The following DNAJC3 variants were observed in gnomAD, a reference collection of about 807,000 sequenced individuals.
DNAJC3 encodes DnaJ heat shock protein family (Hsp40) member C3, also known as dnaJ homolog subfamily C member 3.
Under a neutral mutation model 68.6 loss-of-function variants are expected in DNAJC3, and 38 were observed. The observed-to-expected ratio is 0.55, with a 90% CI of 0.43 to 0.73. DNAJC3 has a LOEUF of 0.73. Among genes scored for constraint, DNAJC3 ranks in the 30% least tolerant of loss-of-function variants. DNAJC3 has a pLI of 0.00. For missense variants in DNAJC3, 526 were observed against 591.9 expected, an observed-to-expected ratio of 0.89 and a Z score of 1.16; for synonymous variants, 203 against 204.0, an observed-to-expected ratio of 1.00 and a Z score of 0.04.
intron 4 of DNAJC3, among the ~76,000 whole-genome samples, chr13:95,745,979 G>A (rs1882292162): frequency 6.6e-6 from 1 of 152,156 alleles, no homozygotes; most frequent in African/African-American, 2.4e-5. Context: ...TAGGGGCAGA[G>A]GACTGCTATA....
intron 4 of DNAJC3, among the ~76,000 whole-genome samples, chr13:95,747,520 A>T (rs1882341608): frequency 6.6e-6 from 1 of 152,208 alleles, no homozygotes; most frequent in Non-Finnish European, 1.5e-5. Context: ...CTGGAGTATG[A>T]GACTCTTGAC....
chr13:95,698,539 G>A (rs1386128578), intron 1 of DNAJC3, among the ~76,000 whole-genome samples: 1 of 152,224 alleles, frequency 6.6e-6, no homozygotes, highest in Admixed American at 6.5e-5. Flanking sequence ...GGACAGGGAG[G>A]AATGTGATGT....
chr13:95,741,562 G>T (rs569586397), intron 4 of DNAJC3, among the ~76,000 whole-genome samples: 1 of 152,296 alleles, frequency 6.6e-6, no homozygotes, highest in South Asian at 2.1e-4. Flanking sequence ...GGCCTACTTT[G>T]GTACGGGAAT....
intron 9 of DNAJC3, among the ~76,000 whole-genome samples, chr13:95,781,811 T>G (rs372339196): frequency 2.2e-4 from 33 of 147,156 alleles, no homozygotes; most frequent in East Asian, 1.2e-3. Flanking sequence ...GTGTGTGTGT[T>G]TTTTTTTTTT....
chr13:95,771,728 C>T (rs1019635345), intron 9 of DNAJC3, among the ~76,000 whole-genome samples: 4 of 152,150 alleles, frequency 2.6e-5, no homozygotes, highest in African/African-American at 9.7e-5. Context: ...CTTTGTTTAA[C>T]CCAACTCCTG....
chr13:95,791,964 C>CTAAG lies in DNAJC3; in HGVS notation c.*938_*941dup. 1 of 152,338 alleles carries CTAAG rather than the reference C, an allele frequency of 6.6e-6. No homozygotes were observed. Among genetic ancestry groups the CTAAG allele is most frequent in the Admixed American group, 6.5e-5 (1 of 15,300 alleles). 9.4% of individuals were successfully genotyped at this position (152,338 alleles called of 1,614,324 possible). A position where few individuals can be genotyped will look rare whatever the true frequency, so the allele number is the denominator to read the frequency against. On this transcript the variant is annotated 3_prime_UTR_variant, in exon 12 of 12. Transcript: ENST00000602402. ...ATACAGAATGCCATGTTCTCCACTT[C>CTAAG]TAAGTAAAGACAGTGGGCAGCTTCT...
chr13:95,730,572 C>G (rs1340145268), intron 4 of DNAJC3, among the ~76,000 whole-genome samples: 1 of 152,004 alleles, frequency 6.6e-6, no homozygotes, highest in Non-Finnish European at 1.5e-5. Context: ...GGTGTGTGTC[C>G]TCTCCCCAAT....
At chr13:95,723,436 G>GGT in intron 3 of DNAJC3, 70 bp downstream of exon 3, 1 of 1,526,078 alleles carries the variant, frequency 6.6e-7, no homozygotes. Context: ...TGTTTCATAA[G>GGT]GTGAGGACTG....
chr13:95,704,854 T>G (rs915764485), intron 1 of DNAJC3, among the ~76,000 whole-genome samples: 41 of 138,132 alleles, frequency 3.0e-4, no homozygotes, highest in Non-Finnish European at 5.6e-4. Context: ...TGTGTGTGTT[T>G]TTTTTTTTTT....
chr13:95,781,801 G>A (rs1413792793), intron 9 of DNAJC3, among the ~76,000 whole-genome samples: 1 of 151,264 alleles, frequency 6.6e-6, no homozygotes, highest in African/African-American at 2.4e-5. Context: ...CATTGGATGT[G>A]TGTGTGTGTT....
chr13:95,712,805 C>T (rs58832724), intron 2 of DNAJC3, among the ~76,000 whole-genome samples: 2,599 of 152,158 alleles, frequency 0.017, 79 homozygotes, highest in African/African-American at 0.06. Context: ...TGGGAAATTA[C>T]AGTTTTGCTT....
chr13:95,684,759 G>A (rs1175763920), intron 1 of DNAJC3, among the ~76,000 whole-genome samples: 1 of 152,194 alleles, frequency 6.6e-6, no homozygotes, highest in East Asian at 1.9e-4. Flanking sequence ...CTGCATCCTA[G>A]TTACTCCAGC....
chr13:95,775,544 T>C (rs1322100524), intron 9 of DNAJC3, among the ~76,000 whole-genome samples: 1 of 152,246 alleles, frequency 6.6e-6, no homozygotes, highest in Non-Finnish European at 1.5e-5. Context: ...CTCGATTGTA[T>C]ACTACTGATA....
chr13:95,723,654 T>A (rs186644594), intron 3 of DNAJC3, among the ~76,000 whole-genome samples: 1 of 152,084 alleles, frequency 6.6e-6, no homozygotes, highest in Non-Finnish European at 1.5e-5. Flanking sequence ...TGAGGCAAGA[T>A]GTGAGGCTGA....
chr13:95,780,954 T>A (rs1883433109), intron 9 of DNAJC3, among the ~76,000 whole-genome samples: 1 of 150,542 alleles, frequency 6.6e-6, no homozygotes, highest in Admixed American at 6.6e-5. Context: ...AGAGAGGGAG[T>A]CGCTTGTAGC....
At chr13:95,710,979 C>T (rs17879875) in intron 2 of DNAJC3, among the ~76,000 whole-genome samples, 17,567 of 152,172 alleles carry the variant, frequency 0.12, 1,134 homozygotes, top group Middle Eastern at 0.2. Context: ...TGTGAGCTAC[C>T]GTGCCCAGCT....
intron 2 of DNAJC3, among the ~76,000 whole-genome samples, chr13:95,722,179 A>T (rs1185619147): frequency 6.6e-6 from 1 of 152,194 alleles, no homozygotes; most frequent in Non-Finnish European, 1.5e-5. Context: ...AAGCAGAGTA[A>T]AATTAGCTCG....
chr13:95,791,985 C>T lies in DNAJC3; in HGVS notation c.*955C>T, dbSNP rs758514329. The T allele has an allele frequency of 6.6e-6, 1 of 152,194 alleles. No individual in the cohort carries two copies. Among genetic ancestry groups the T allele is most frequent in the South Asian group, 2.1e-4 (1 of 4,832 alleles). 9.4% of individuals were successfully genotyped at this position (152,194 alleles called of 1,614,324 possible). A position where few individuals can be genotyped will look rare whatever the true frequency, so the allele number is the denominator to read the frequency against. On this transcript the variant is annotated 3_prime_UTR_variant, in exon 12 of 12. Transcript: ENST00000602402. ...ACTTCTAAGTAAAGACAGTGGGCAG[C>T]TTCTGTTTCTCCTTCTATCAAGGCT... is the stretch of plus-strand genomic sequence containing the variant.
intron 4 of DNAJC3, among the ~76,000 whole-genome samples, chr13:95,736,518 T>C (rs1881926527): frequency 6.8e-6 from 1 of 147,456 alleles, no homozygotes; most frequent in African/African-American, 2.5e-5. Context: ...TTTGTAGTTC[T>C]CCTTGAAGAG....
Sources: allele counts gnomAD v4.1 joint callset (sites outside exome capture counted in the v4.1 genomes callset), GRCh38; gene constraint gnomAD v4.1.1; transcripts MANE v1.5; gene names NCBI Gene and HGNC (gene_info 2026-07-23, HGNC 2026-07-21).